GAB2: variants seen among roughly 807,000 people sequenced by gnomAD.
GAB2 encodes GRB2 associated binding protein 2.
A neutral mutation model predicts 65.5 loss-of-function variants in GAB2; 26 were observed. The ratio of observed to expected loss-of-function variants is 0.40; its 90% CI spans 0.29 to 0.55. The LOEUF (loss-of-function observed/expected upper bound fraction) is 0.55, where lower values mean the gene tolerates loss of function less well. Among genes scored for constraint, GAB2 ranks in the 20% least tolerant of loss-of-function variants. GAB2 has a pLI of 0.53. For synonymous variants in GAB2, 321 were observed against 329.6 expected (o/e 0.97, Z 0.28); for missense variants, 884 against 875.8 (o/e 1.01, Z -0.12).
At chr11:78,228,834 G>A (rs1864760289) in intron 3 of GAB2, among the ~76,000 whole-genome samples, 1 of 152,092 alleles carries the variant, frequency 6.6e-6, no homozygotes, top group African/African-American at 2.4e-5. Flanking sequence ...AGAGGACGGG[G>A]GTGGCGGGGG....
intron 1 of GAB2, among the ~76,000 whole-genome samples, chr11:78,368,056 T>G (rs1329766186): frequency 6.6e-6 from 1 of 152,134 alleles, no homozygotes; most frequent in Non-Finnish European, 1.5e-5. Flanking sequence ...GACCTCGTGA[T>G]CCGCCCGCCT....
rs766487672 is a variant in GAB2, at chr11:78,227,054, A to C, written c.621-3T>G. The C allele has an allele frequency of 6.3e-7, 1 of 1,593,348 alleles. No individual in the cohort carries two copies. Among genetic ancestry groups the C allele is most frequent in the South Asian group, 1.1e-5 (1 of 90,712 alleles). ...TGCCCTGAGAGAAGCTGGCACTCCT[A>C]AAAGAGAAAGAAGGGAAAGGGCAGG... On this transcript the variant is annotated splice_polypyrimidine_tract_variant and splice_region_variant and intron_variant, in intron 3 of 9. Transcript: ENST00000361507.
At chr11:78,291,396 G>A (rs1866667243) in intron 1 of GAB2, among the ~76,000 whole-genome samples, 1 of 150,576 alleles carries the variant, frequency 6.6e-6, no homozygotes, top group Non-Finnish European at 1.5e-5. Flanking sequence ...AACCTGGGAG[G>A]CAGAGCTTAC....
intron 2 of GAB2, among the ~76,000 whole-genome samples, chr11:78,272,777 A>G (rs912297269): frequency 5.3e-5 from 8 of 152,252 alleles, no homozygotes; most frequent in African/African-American, 1.2e-4. Flanking sequence ...AGAGGTCTTC[A>G]CAGCAGCGCT....
At chr11:78,331,729 G>T (rs1361683799) in intron 1 of GAB2, among the ~76,000 whole-genome samples, 2 of 152,140 alleles carry the variant, frequency 1.3e-5, no homozygotes, top group Non-Finnish European at 1.5e-5. Flanking sequence ...CCTAGAAAGG[G>T]ATTACAGAGG....
At chr11:78,328,069 T>C (rs1855855112) in intron 1 of GAB2, among the ~76,000 whole-genome samples, 1 of 152,128 alleles carries the variant, frequency 6.6e-6, no homozygotes, top group African/African-American at 2.4e-5. Flanking sequence ...CTTGTGCAGA[T>C]GAGGACAAAG....
chr11:78,415,237 C>T (rs1429118906), intron 1 of GAB2, among the ~76,000 whole-genome samples: 10 of 152,184 alleles, frequency 6.6e-5, no homozygotes, highest in African/African-American at 2.4e-4. Flanking sequence ...ACTACTTTTT[C>T]CCCTTATCAC....
intron 1 of GAB2, among the ~76,000 whole-genome samples, chr11:78,357,503 G>A (rs1005348150): frequency 6.6e-6 from 1 of 152,102 alleles, no homozygotes; most frequent in African/African-American, 2.4e-5. Context: ...GAAAATTTTT[G>A]CAATCTACTC....
chr11:78,235,354 G>A (rs529652153), intron 3 of GAB2, among the ~76,000 whole-genome samples: 6 of 151,984 alleles, frequency 3.9e-5, no homozygotes, highest in South Asian at 2.1e-4. Flanking sequence ...GGGTTTCACC[G>A]TGTTAGCCAG....
chr11:78,225,172 T>A lies in GAB2; in HGVS notation c.1238A>T (p.Gln413Leu), dbSNP rs768470212. 6.2e-7 allele frequency: 1 copy of A among 1,613,018 alleles called. No individual in the cohort carries two copies. The highest frequency in any genetic ancestry group is 1.7e-5 in the Admixed American group (1 of 60,016). ...CCGGCCTGCACTCTCTCCACCACGC[T>A]GTGGGTACTCGTAGGTCTCACAGGA... ...ASSCETYEYPQRGGESAGRSA... is the reference protein window; with the variant it reads ...ASSCETYEYPLRGGESAGRSA... The change falls in exon 5 of 10, where the codon CAG (glutamine) becomes CTG (leucine). Residue 413 changes from glutamine (Q) to leucine (L), a missense_variant. Coordinates refer to ENST00000361507, the MANE Select transcript of GAB2 (RefSeq NM_080491.3).
chr11:78,412,789 T>C (rs1053611897), intron 1 of GAB2, among the ~76,000 whole-genome samples: 10 of 152,234 alleles, frequency 6.6e-5, no homozygotes, highest in Admixed American at 1.3e-4. Flanking sequence ...GTAAGTTGCT[T>C]CCCTTATTAT....
intron 2 of GAB2, 61 bp from the exon 3 acceptor site, chr11:78,250,461 T>G (rs1443122390): frequency 2.2e-5 from 32 of 1,483,682 alleles, no homozygotes; most frequent in Non-Finnish European, 2.8e-5. Flanking sequence ...TATCCCAAAG[T>G]GAGTTGTCAG....
intron 1 of GAB2, among the ~76,000 whole-genome samples, chr11:78,417,273 C>A (rs1262410943): frequency 6.6e-6 from 1 of 151,926 alleles, no homozygotes; most frequent in Non-Finnish European, 1.5e-5. Flanking sequence ...CCCGACCCTG[C>A]GGGCTGAAGC....
At chr11:78,404,180 T>G (rs1217124093) in intron 1 of GAB2, among the ~76,000 whole-genome samples, 1 of 152,214 alleles carries the variant, frequency 6.6e-6, no homozygotes, top group Non-Finnish European at 1.5e-5. Context: ...GTAGCCAACA[T>G]GCAGAATCAA....
chr11:78,243,463 G>A (rs1249743303), intron 3 of GAB2, among the ~76,000 whole-genome samples: 4 of 152,118 alleles, frequency 2.6e-5, no homozygotes, highest in East Asian at 3.9e-4. Context: ...GCGAGACTCC[G>A]TCTCAAAATA....
intron 1 of GAB2, among the ~76,000 whole-genome samples, chr11:78,314,365 A>G (rs1855558963): frequency 1.3e-5 from 2 of 152,228 alleles, no homozygotes; most frequent in Admixed American, 6.5e-5. Flanking sequence ...CACATGGTGT[A>G]ATTTTTAATA....
intron 1 of GAB2, among the ~76,000 whole-genome samples, chr11:78,301,642 A>G (rs1463924029): frequency 6.6e-6 from 1 of 152,182 alleles, no homozygotes; most frequent in Non-Finnish European, 1.5e-5. Context: ...CTTTAGTGGT[A>G]TCTTTTAAAG....
At chr11:78,354,915 C>T (rs1031150060) in intron 1 of GAB2, among the ~76,000 whole-genome samples, 7 of 152,166 alleles carry the variant, frequency 4.6e-5, no homozygotes, top group Admixed American at 6.5e-5. Flanking sequence ...GGAACACATG[C>T]GGTGCAAGTG....
intron 1 of GAB2, among the ~76,000 whole-genome samples, chr11:78,399,624 G>C (rs1011747085): frequency 6.6e-6 from 1 of 152,186 alleles, no homozygotes; most frequent in African/African-American, 2.4e-5. Flanking sequence ...TACCCAGCTT[G>C]AGAATTTCAG....
Sources: allele counts gnomAD v4.1 joint callset (sites outside exome capture counted in the v4.1 genomes callset), GRCh38; gene constraint gnomAD v4.1.1; transcripts MANE v1.5; gene names NCBI Gene and HGNC (gene_info 2026-07-23, HGNC 2026-07-21).